MRTFB: variants seen among roughly 807,000 people sequenced by gnomAD.
The protein encoded by MRTFB is myocardin-related transcription factor B.
MRTFB carries 29 observed loss-of-function variants against 104.2 expected under a neutral mutation model. The ratio of observed to expected loss-of-function variants is 0.28; its 90% CI spans 0.21 to 0.38. MRTFB has a LOEUF of 0.38. MRTFB is among the 10% of genes least tolerant of loss of function. MRTFB has a pLI of 1.00. For missense variants in MRTFB, 1,270 were observed against 1,341.6 expected, an observed-to-expected ratio of 0.95 and a Z score of 0.83; for synonymous variants, 535 against 519.5, an observed-to-expected ratio of 1.03 and a Z score of -0.41.
the MRTFB span, among the ~76,000 whole-genome samples, chr16:14,003,623 G>GCCT: frequency 3.5e-5 from 3 of 85,392 alleles, no homozygotes; most frequent in African/African-American, 5.0e-5. Context: ...GGGGCCGGCC[G>GCCT]GCCTGCCTGC....
the MRTFB span, among the ~76,000 whole-genome samples, chr16:14,021,709 A>T: frequency 6.6e-6 from 1 of 152,236 alleles, no homozygotes. Flanking sequence ...TTTACCTGGA[A>T]TAATAGTCTC....
At chr16:14,228,713 A>AT (rs1219536659) in intron 8 of MRTFB, among the ~76,000 whole-genome samples, 2 of 152,258 alleles carry the variant, frequency 1.3e-5, no homozygotes, top group Non-Finnish European at 2.9e-5. Flanking sequence ...AAAATGTGCT[A>AT]TATTTATACG....
the MRTFB span, among the ~76,000 whole-genome samples, chr16:14,008,142 G>T: frequency 6.6e-6 from 1 of 152,218 alleles, no homozygotes; most frequent in East Asian, 1.9e-4. Flanking sequence ...GAGGTAGGAG[G>T]ATCACTTGAG....
intron 2 of MRTFB, among the ~76,000 whole-genome samples, chr16:14,096,595 A>G (rs77874406): frequency 6.2e-4 from 94 of 152,292 alleles, no homozygotes; most frequent in African/African-American, 2.2e-3. Context: ...AAAATAGCCT[A>G]CATATTGTGG....
chr16:14,064,082 T>C, the MRTFB span, among the ~76,000 whole-genome samples: 39 of 152,314 alleles, frequency 2.6e-4, no homozygotes, highest in Admixed American at 1.5e-3. Flanking sequence ...AACTAACTTA[T>C]ATTATCACCA....
At chr16:14,087,114 A>C (rs2034757420) in intron 2 of MRTFB, among the ~76,000 whole-genome samples, 1 of 152,216 alleles carries the variant, frequency 6.6e-6, no homozygotes, top group African/African-American at 2.4e-5. Flanking sequence ...TGTATGCAGT[A>C]CAGAGAATAG....
chr16:14,228,576 A>C (rs74497306), intron 8 of MRTFB, among the ~76,000 whole-genome samples: 10 of 116,874 alleles, frequency 8.6e-5, no homozygotes, highest in African/African-American at 2.4e-4. Context: ...ACTCCGTCCC[A>C]AAAAAAAAAA....
chr16:14,186,681 T>G, intron 3 of MRTFB: 9 of 1,311,600 alleles, frequency 6.9e-6, no homozygotes, highest in East Asian at 7.1e-5. Flanking sequence ...TGCCTCCCGA[T>G]GTGGGAGAGA....
intron 2 of MRTFB, among the ~76,000 whole-genome samples, chr16:14,121,225 C>G (rs2036830088): frequency 7.0e-6 from 1 of 142,502 alleles, no homozygotes; most frequent in Non-Finnish European, 1.5e-5. Flanking sequence ...TTACATTGAG[C>G]TTTAGGCTTA....
At chr16:14,217,366 G>C in intron 7 of MRTFB, 79 bp downstream of exon 7, 1 of 1,232,616 alleles carries the variant, frequency 8.1e-7, no homozygotes, top group South Asian at 1.8e-5. Context: ...TAATTTAAAG[G>C]CTAGCACCGA....
chr16:14,198,246 AGTTTCT>A (rs2040526017), intron 3 of MRTFB, among the ~76,000 whole-genome samples: 2 of 152,226 alleles, frequency 1.3e-5, no homozygotes, highest in Non-Finnish European at 2.9e-5. Flanking sequence ...ACATTTGGGC[AGTTTCT>A]GCCTCTTGGC....
chr16:14,260,655 G>A (rs2043734221), intron 16 of MRTFB, among the ~76,000 whole-genome samples: 1 of 152,008 alleles, frequency 6.6e-6, no homozygotes, highest in Non-Finnish European at 1.5e-5. Context: ...AACTGGTCTT[G>A]GACAGTCTGC....
the MRTFB span, among the ~76,000 whole-genome samples, chr16:14,060,035 C>T: frequency 1.8e-5 from 2 of 114,058 alleles, no homozygotes; most frequent in South Asian, 5.8e-4. Context: ...GAGACGGAGT[C>T]TCACTCTGTC....
intron 3 of MRTFB, among the ~76,000 whole-genome samples, chr16:14,155,097 T>C (rs770293820): frequency 1.8e-4 from 28 of 152,200 alleles, no homozygotes; most frequent in Non-Finnish European, 3.5e-4. Flanking sequence ...TGTATATATA[T>C]TTTTTTGTCT....
At chr16:14,006,261 T>C in the MRTFB span, among the ~76,000 whole-genome samples, 1 of 152,056 alleles carries the variant, frequency 6.6e-6, no homozygotes, top group Admixed American at 6.6e-5. Context: ...GAGAACCACT[T>C]GAAGCCGGGA....
chr16:14,043,037 C>T, the MRTFB span, among the ~76,000 whole-genome samples: 1 of 152,292 alleles, frequency 6.6e-6, no homozygotes, highest in Non-Finnish European at 1.5e-5. Context: ...AGGAAAGGCC[C>T]GCAAAGGAAC....
chr16:14,124,885 GT>G (rs574901830), intron 2 of MRTFB, among the ~76,000 whole-genome samples: 2 of 151,992 alleles, frequency 1.3e-5, no homozygotes, highest in South Asian at 2.1e-4. Flanking sequence ...GTTGTTTTCA[GT>G]TTTTTTTCCT....
At chr16:14,204,176 A>G (rs369048230) in intron 3 of MRTFB, among the ~76,000 whole-genome samples, 32 of 152,094 alleles carry the variant, frequency 2.1e-4, no homozygotes, top group African/African-American at 4.8e-4. Context: ...GGGTCTCACT[A>G]TGTTGCCCAG....
upstream of MRTFB, among the ~76,000 whole-genome samples, chr16:14,067,220 CTTTTTTT>C (rs1236193770): frequency 3.9e-5 from 5 of 127,996 alleles, no homozygotes; most frequent in Admixed American, 4.0e-4. Flanking sequence ...TGTTAACCCT[CTTTTTTT>C]TTTTTTTTTT....
Sources: gnomAD v4.1 joint callset for allele counts (sites outside exome capture counted in the v4.1 genomes callset) on GRCh38, gnomAD v4.1.1 for gene constraint, MANE v1.5 for transcripts, NCBI Gene and HGNC (gene_info 2026-07-23, HGNC 2026-07-21) for gene names.